PDGFD: variants seen among roughly 807,000 people sequenced by gnomAD.
The protein encoded by PDGFD is platelet derived growth factor D.
Under a neutral mutation model 44.7 loss-of-function variants are expected in PDGFD, and 30 were observed. That is an observed-to-expected ratio of 0.67 (90% CI 0.50 to 0.91). PDGFD has a LOEUF of 0.91. Ranked by LOEUF, PDGFD falls within the 40% of genes least tolerant of loss-of-function variation. The pLI is 0.00. For missense variants in PDGFD, 445 were observed against 457.8 expected (o/e 0.97, Z 0.25); for synonymous variants, 173 against 168.4 (o/e 1.03, Z -0.21).
intron 1 of PDGFD, among the ~76,000 whole-genome samples, chr11:104,066,100 A>G (rs1860787494): frequency 6.6e-6 from 1 of 152,202 alleles, no homozygotes; most frequent in Non-Finnish European, 1.5e-5. Flanking sequence ...TGAAACATAA[A>G]GCAGCAGCAG....
rs1166784066 is a variant in PDGFD, at chr11:104,036,833, C to G, written c.125-36578G>C. On this transcript the variant is annotated intron_variant, in intron 1 of 6. Transcript: ENST00000393158. Reference sequence around the variant, plus strand: ...GCCCGGGCCCCCGCCATGCTGATCACCGTGTACTGCGTGCGGAGGGACCTC... The same window carrying G: ...GCCCGGGCCCCCGCCATGCTGATCAGCGTGTACTGCGTGCGGAGGGACCTC... 5 of 1,613,886 alleles carry G rather than the reference C, an allele frequency of 3.1e-6. No individual in the cohort carries two copies. In the Admixed American group the frequency reaches 8.3e-5, roughly 27 times the overall value.
At chr11:103,996,426 G>A (rs1455086155) in intron 2 of PDGFD, among the ~76,000 whole-genome samples, 181 bp from the exon 3 acceptor site, 1 of 152,166 alleles carries the variant, frequency 6.6e-6, no homozygotes, top group African/African-American at 2.4e-5. Context: ...GCAAATTCAA[G>A]CTTCAGTAAT....
At chr11:103,933,806 C>T (rs145886425) in intron 5 of PDGFD, among the ~76,000 whole-genome samples, 1 of 152,116 alleles carries the variant, frequency 6.6e-6, no homozygotes, top group African/African-American at 2.4e-5. Context: ...CCTAAAGCCA[C>T]TGGACGTAAG....
chr11:104,034,554 T>G (rs1471598596), intron 1 of PDGFD, among the ~76,000 whole-genome samples: 2 of 152,072 alleles, frequency 1.3e-5, no homozygotes, highest in Non-Finnish European at 2.9e-5. Context: ...GGGGTGAAAC[T>G]AGGCAGAGGA....
At chr11:103,909,905 T>A in intron 6 of PDGFD, 86 bp from the exon 7 acceptor site, 1 of 1,535,090 alleles carries the variant, frequency 6.5e-7, no homozygotes, top group East Asian at 2.3e-5. Flanking sequence ...TTTTGACAAC[T>A]AGTTCTTAGC....
chr11:104,122,206 C>A (rs1258348880), intron 1 of PDGFD, among the ~76,000 whole-genome samples: 1 of 151,972 alleles, frequency 6.6e-6, no homozygotes, highest in African/African-American at 2.4e-5. Context: ...GCTGTGCCAA[C>A]AGAAAAGGGC....
At chr11:104,017,848 A>G (rs1309397401) in intron 1 of PDGFD, among the ~76,000 whole-genome samples, 1 of 152,190 alleles carries the variant, frequency 6.6e-6, no homozygotes, top group African/African-American at 2.4e-5. Context: ...TTTTAAGAGC[A>G]CCATCGATAA....
At chr11:104,101,814 C>A (rs1319661603) in intron 1 of PDGFD, among the ~76,000 whole-genome samples, 3 of 151,864 alleles carry the variant, frequency 2.0e-5, no homozygotes, top group African/African-American at 2.4e-5. Context: ...CTGACAAAAA[C>A]AAGAAATGGG....
chr11:103,925,569 C>T (rs188684936), intron 6 of PDGFD, among the ~76,000 whole-genome samples: 1 of 151,138 alleles, frequency 6.6e-6, no homozygotes, highest in Admixed American at 6.6e-5. Flanking sequence ...TAGTGACTTG[C>T]ATGTGTTTCC....
chr11:103,908,429 T>C lies in PDGFD; in HGVS notation c.*1265A>G, dbSNP rs556101269. On this transcript the variant is annotated 3_prime_UTR_variant, in exon 7 of 7. Coordinates refer to ENST00000393158, the MANE Select transcript of PDGFD (RefSeq NM_025208.5). Reference sequence around the variant, plus strand: ...AACTGGCTTCTTAAAGCAAGCTCCATAGATTAAGAACCATAGCCTCTAGGA... The same window carrying C: ...AACTGGCTTCTTAAAGCAAGCTCCACAGATTAAGAACCATAGCCTCTAGGA... 2 of 152,206 alleles carry C rather than the reference T, an allele frequency of 1.3e-5. No individual in the cohort carries two copies. Among genetic ancestry groups the C allele is most frequent in the African/African-American group, 2.4e-5 (1 of 41,454 alleles). 9.4% of individuals were successfully genotyped at this position (152,206 alleles called of 1,614,324 possible).
At chr11:104,037,143 C>T (rs1860257852) in intron 1 of PDGFD, 3 of 1,613,700 alleles carry the variant, frequency 1.9e-6, no homozygotes, top group Admixed American at 3.3e-5. Context: ...CGTCCAGCTC[C>T]CGTCCACAGC....
intron 1 of PDGFD, among the ~76,000 whole-genome samples, chr11:104,145,819 A>G (rs1204682463): frequency 6.6e-6 from 1 of 152,218 alleles, no homozygotes; most frequent in Non-Finnish European, 1.5e-5. Flanking sequence ...ATGAGATCAC[A>G]GGGATAGGGC....
At chr11:103,934,546 A>G (rs1438253262) in intron 5 of PDGFD, among the ~76,000 whole-genome samples, 1 of 152,204 alleles carries the variant, frequency 6.6e-6, no homozygotes, top group Admixed American at 6.5e-5. Context: ...TATAAAGAAA[A>G]GAGGTTTAAT....
chr11:104,099,636 C>T (rs1591162981), intron 1 of PDGFD, among the ~76,000 whole-genome samples: 1 of 142,754 alleles, frequency 7.0e-6, no homozygotes, highest in African/African-American at 2.6e-5. Context: ...GTTTCAAAAA[C>T]AATAATAATA....
In PDGFD at chr11:104,111,262, C is replaced by CTT. The variant is rs373944945; in HGVS notation, c.124+52540_124+52541dup. Among the ~76,000 whole-genome samples, 516 of 119,602 alleles carry CTT rather than the reference C, an allele frequency of 4.3e-3. 9 individuals carry two copies. The East Asian group carries it at 0.045, about 10-fold the overall frequency. The allele number at this position is 119,602 out of a possible 152,430, so 78.5% of individuals were successfully genotyped here. ...ATGATCTGTGTATTAATTATTAATT[C>CTT]TTTTTTTTTTTTTTTTTTTTAGATT... On this transcript the variant is annotated intron_variant, in intron 1 of 6. Transcript: ENST00000393158.
chr11:104,106,621 T>A (rs1466071561), intron 1 of PDGFD, among the ~76,000 whole-genome samples: 6 of 152,146 alleles, frequency 3.9e-5, no homozygotes. Flanking sequence ...AAACAAAGAC[T>A]ATTAATTCCA....
rs1862273923 is a variant in PDGFD, at chr11:104,153,857, G to C, written c.124+9947C>G. Among the ~76,000 whole-genome samples the C allele has an allele frequency of 2.0e-5, 3 of 152,044 alleles. 1 individual carries two copies. The South Asian group carries it at 6.2e-4, about 32-fold the overall frequency. On this transcript the variant is annotated intron_variant, in intron 1 of 6. Transcript: ENST00000393158. ...TGCACACAAGTACCAATTGACACTAGATAAAGATCGATCCTCCAGAGAGAA... is the reference window on the plus strand; with the variant it reads ...TGCACACAAGTACCAATTGACACTACATAAAGATCGATCCTCCAGAGAGAA...
intron 1 of PDGFD, among the ~76,000 whole-genome samples, chr11:104,115,007 AT>A (rs1248045219): frequency 2.0e-5 from 3 of 151,436 alleles, no homozygotes; most frequent in African/African-American, 7.3e-5. Context: ...CCCGAGCAGT[AT>A]ACACTGCACC....
chr11:103,969,555 A>G lies in PDGFD; in HGVS notation c.511-21831T>C, dbSNP rs914418447. 3.5e-5 allele frequency among the ~76,000 whole-genome samples: 5 copies of G among 144,440 alleles called. No homozygotes were observed. The East Asian group carries it at 6.2e-4, about 18-fold the overall frequency. The allele number at this position is 144,440 out of a possible 152,430, so 94.8% of individuals were successfully genotyped here. Reference sequence around the variant, plus strand: ...TGAATGTTAAAAAGTCCTGGGTATCAGGCAACTTATTTATTTTAGGGCTGT... The same window carrying G: ...TGAATGTTAAAAAGTCCTGGGTATCGGGCAACTTATTTATTTTAGGGCTGT... On this transcript the variant is annotated intron_variant, in intron 3 of 6. Transcript: ENST00000393158.
Sources: gnomAD v4.1 joint callset for allele counts (sites outside exome capture counted in the v4.1 genomes callset) on GRCh38, gnomAD v4.1.1 for gene constraint, MANE v1.5 for transcripts, NCBI Gene and HGNC (gene_info 2026-07-23, HGNC 2026-07-21) for gene names.